Variants in DOCK11 observed in about 807,000 individuals in gnomAD.
The protein encoded by DOCK11 is dedicator of cytokinesis protein 11.
A neutral mutation model predicts 169.1 loss-of-function variants in DOCK11; 70 were observed. The ratio of observed to expected loss-of-function variants is 0.41; its 90% CI spans 0.34 to 0.51. DOCK11 has a LOEUF of 0.51. Among genes scored for constraint, DOCK11 ranks in the 20% least tolerant of loss-of-function variants. The pLI is 0.10. For missense variants in DOCK11, 1,166 were observed against 1,538.8 expected (o/e 0.76, Z 4.05); for synonymous variants, 529 against 541.3 (o/e 0.98, Z 0.32).
chrX:118,579,969 T>A, intron 13 of DOCK11, 128 bp from the exon 14 acceptor site: 1 of 483,401 alleles, frequency 2.1e-6, no homozygotes, highest in Non-Finnish European at 3.3e-6. Flanking sequence ...ATTCTGCTTG[T>A]GGCTATTTCT....
At position 118,628,230 on chromosome X, in the gene DOCK11, A is replaced by T. The variant is rs750523607; in HGVS notation, c.3732A>T (p.Glu1244Asp). 5.4e-5 allele frequency: 65 copies of T among 1,204,923 alleles called. No individual in the cohort carries two copies. Among genetic ancestry groups the T allele is most frequent in the Non-Finnish European group, 5.7e-5 (51 of 890,896 alleles). The change falls in exon 34 of 53, where the codon GAA (glutamate) becomes GAT (aspartate). Residue 1244 changes from glutamate (E) to aspartate (D), a missense_variant. Coordinates refer to ENST00000276202, the MANE Select transcript of DOCK11 (RefSeq NM_144658.4). ...REDSRGSLIP[E>D]GATGFPDQGN... ...ATTCAAGAGGTTCCCTCATCCCAGAAGGAGCAACAGGATTTCCAGATCAGG... is the reference window on the plus strand; with the variant it reads ...ATTCAAGAGGTTCCCTCATCCCAGATGGAGCAACAGGATTTCCAGATCAGG...
chrX:118,588,599 A>C (rs980058073), intron 18 of DOCK11, 121 bp downstream of exon 18: 1 of 510,031 alleles, frequency 2.0e-6, no homozygotes, highest in Admixed American at 4.0e-5. Context: ...CTAAAGTGAC[A>C]AATGTAATAC....
chrX:118,539,161 A>G (rs2011868308), intron 1 of DOCK11, among the ~76,000 whole-genome samples: 1 of 112,130 alleles, frequency 8.9e-6, no homozygotes, highest in African/African-American at 3.2e-5. Flanking sequence ...GAAGACCCAG[A>G]ATGCTTAGTT....
chrX:118,658,694 C>T (rs1314095339), intron 44 of DOCK11, among the ~76,000 whole-genome samples: 1 of 112,466 alleles, frequency 8.9e-6, no homozygotes, highest in Non-Finnish European at 1.9e-5. Context: ...AGTGATAATA[C>T]TGAGTGTCAG....
intron 1 of DOCK11, among the ~76,000 whole-genome samples, chrX:118,541,083 T>C (rs2011977464): frequency 9.1e-6 from 1 of 110,270 alleles, no homozygotes; most frequent in Non-Finnish European, 1.9e-5. Flanking sequence ...AGTAAACAAA[T>C]AAAAGAAAAT....
chrX:118,533,460 T>C (rs1185324270), intron 1 of DOCK11, among the ~76,000 whole-genome samples: 1 of 112,129 alleles, frequency 8.9e-6, no homozygotes, highest in African/African-American at 3.2e-5. Context: ...TCAAGGTTGA[T>C]TTTCAAACTA....
At chrX:118,633,251 T>C (rs2015299490) in intron 35 of DOCK11, 1 of 111,773 alleles carries the variant, frequency 8.9e-6, no homozygotes, top group Non-Finnish European at 1.9e-5. Flanking sequence ...TAAAGTAGAG[T>C]CTAAAGGCAA....
At chrX:118,666,146 A>G (rs2016334704) in intron 45 of DOCK11, among the ~76,000 whole-genome samples, 1 of 111,748 alleles carries the variant, frequency 8.9e-6, no homozygotes, top group African/African-American at 3.3e-5. Context: ...AATCCCAGCT[A>G]TTCAGGAGGC....
intron 20 of DOCK11, among the ~76,000 whole-genome samples, chrX:118,597,026 T>C (rs1221761379): frequency 8.9e-6 from 1 of 112,214 alleles, no homozygotes; most frequent in Non-Finnish European, 1.9e-5. Context: ...ACTCTTAGTG[T>C]AAGAATGGAT....
chrX:118,500,827 A>G (rs2057571248), intron 1 of DOCK11, among the ~76,000 whole-genome samples: 2 of 110,317 alleles, frequency 1.8e-5, no homozygotes, highest in South Asian at 7.6e-4. Flanking sequence ...TTTTTAGTAG[A>G]GACAGGGTTT....
chrX:118,671,517 A>C (rs1175232858), intron 46 of DOCK11, among the ~76,000 whole-genome samples: 1 of 112,009 alleles, frequency 8.9e-6, no homozygotes, highest in Non-Finnish European at 1.9e-5. Context: ...TACAGTTATT[A>C]TGTGTCAATT....
chrX:118,568,987 T>A (rs2013175916), intron 10 of DOCK11, among the ~76,000 whole-genome samples: 1 of 110,909 alleles, frequency 9.0e-6, no homozygotes, highest in African/African-American at 3.3e-5. Flanking sequence ...TTACAGTTTT[T>A]TCTTCCACGA....
chrX:118,507,507 G>T (rs1341026329), intron 1 of DOCK11, among the ~76,000 whole-genome samples: 2 of 110,674 alleles, frequency 1.8e-5, no homozygotes, highest in East Asian at 5.7e-4. Context: ...CTGCCACCAC[G>T]CCTGGCTAAT....
At chrX:118,656,472 A>G (rs1238098981) in intron 44 of DOCK11, among the ~76,000 whole-genome samples, 1 of 110,730 alleles carries the variant, frequency 9.0e-6, no homozygotes, top group African/African-American at 3.3e-5. Context: ...AGAGAAGGAG[A>G]TTAATTACCA....
chrX:118,511,953 G>A (rs1208903622), intron 1 of DOCK11, among the ~76,000 whole-genome samples: 1 of 112,292 alleles, frequency 8.9e-6, no homozygotes. Flanking sequence ...TCACTCTGTC[G>A]CCCAGGCTGG....
At chrX:118,655,527 C>T (rs1197335681) in intron 44 of DOCK11, among the ~76,000 whole-genome samples, 1 of 111,321 alleles carries the variant, frequency 9.0e-6, no homozygotes, top group Non-Finnish European at 1.9e-5. Flanking sequence ...TGCAGTGATA[C>T]CTGGGTACTA....
At chrX:118,496,595 G>A (rs970802389) in intron 1 of DOCK11, among the ~76,000 whole-genome samples, 2 of 112,399 alleles carry the variant, frequency 1.8e-5, no homozygotes, top group Admixed American at 1.9e-4. Flanking sequence ...GCCCAAGCTC[G>A]GGCTGGCGGT....
At chrX:118,584,981 G>GTAAC in intron 15 of DOCK11, 60 bp from the exon 16 acceptor site, 2 of 1,142,956 alleles carry the variant, frequency 1.7e-6, no homozygotes, top group Non-Finnish European at 2.4e-6. Flanking sequence ...TGGATAGAGG[G>GTAAC]TAACCAGTGC....
intron 1 of DOCK11, among the ~76,000 whole-genome samples, chrX:118,522,879 G>A (rs961811863): frequency 1.8e-5 from 2 of 111,530 alleles, no homozygotes; most frequent in African/African-American, 6.5e-5. Context: ...AATTAAACAG[G>A]GTGAGTAGAC....
Sources: gnomAD v4.1 joint callset for allele counts (sites outside exome capture counted in the v4.1 genomes callset) on GRCh38, gnomAD v4.1.1 for gene constraint, MANE v1.5 for transcripts, NCBI Gene and HGNC (gene_info 2026-07-23, HGNC 2026-07-21) for gene names.